The following CMTM8 variants were observed in gnomAD, a reference collection of about 807,000 sequenced individuals.
CMTM8 encodes the protein CKLF like MARVEL transmembrane domain containing 8, also known as CKLF-like MARVEL transmembrane domain-containing protein 8.
Under a neutral mutation model 18.6 loss-of-function variants are expected in CMTM8, and 12 were observed. The ratio of observed to expected loss-of-function variants is 0.65; its 90% CI spans 0.41 to 1.05. CMTM8 has a LOEUF of 1.05. CMTM8 is among the 50% of genes least tolerant of loss of function. CMTM8 has a pLI of 0.00. For synonymous variants in CMTM8, 87 were observed against 90.6 expected (o/e 0.96, Z 0.23); for missense variants, 217 against 227.2 (o/e 0.95, Z 0.29).
intron 1 of CMTM8, among the ~76,000 whole-genome samples, chr3:32,242,571 G>A (rs1334395816): frequency 1.3e-5 from 2 of 151,846 alleles, no homozygotes; most frequent in Non-Finnish European, 2.9e-5. Context: ...CAAGTGATCT[G>A]CCCACCTCGG....
chr3:32,326,639 C>T (rs998194980), intron 1 of CMTM8, among the ~76,000 whole-genome samples: 1 of 151,726 alleles, frequency 6.6e-6, no homozygotes, highest in East Asian at 1.9e-4. Context: ...GCCTCAGCCT[C>T]CCAAGTAGCT....
intron 1 of CMTM8, among the ~76,000 whole-genome samples, chr3:32,335,148 CTCTTCCGTCAGA>C (rs1696362165): frequency 6.6e-6 from 1 of 152,194 alleles, no homozygotes; most frequent in South Asian, 2.1e-4. Flanking sequence ...TCCTGCCAGG[CTCTTCCGTCAGA>C]GATGGAAGGA....
At chr3:32,347,903 C>T (rs2125593215) in intron 1 of CMTM8, among the ~76,000 whole-genome samples, 1 of 152,282 alleles carries the variant, frequency 6.6e-6, no homozygotes, top group South Asian at 2.1e-4. Flanking sequence ...TTTCGAGTCA[C>T]TCTGTTCCAG....
At chr3:32,253,613 A>G (rs1702141639) in intron 1 of CMTM8, among the ~76,000 whole-genome samples, 1 of 152,018 alleles carries the variant, frequency 6.6e-6, no homozygotes. Context: ...TCAGCCTCCC[A>G]AAGTGCTGGG....
At chr3:32,252,302 A>G (rs12108089) in intron 1 of CMTM8, among the ~76,000 whole-genome samples, 84,027 of 151,912 alleles carry the variant, frequency 0.55, 23,250 homozygotes, top group Middle Eastern at 0.67. Flanking sequence ...TAGTGTTATC[A>G]TGTATTTTAA....
In CMTM8 at chr3:32,238,847, A is replaced by G. The variant is rs900314716; in HGVS notation, c.-126A>G. On this transcript the variant is annotated 5_prime_UTR_variant, in exon 1 of 4. Transcript: ENST00000307526. ...AGCCCCCGGCGGGCGCCCCCCTCGC[A>G]CCTCCTGCCCCGCGCGGGCCGCGCT... The G allele has an allele frequency of 3.7e-6, 3 of 808,996 alleles. No individual in the cohort carries two copies. Among genetic ancestry groups the G allele is most frequent in the Non-Finnish European group, 5.0e-6 (3 of 603,342 alleles). The allele number at this position is 808,996 out of a possible 1,614,324, so 50.1% of individuals were successfully genotyped here.
intron 1 of CMTM8, among the ~76,000 whole-genome samples, chr3:32,313,869 A>G (rs62243328): frequency 0.07 from 10,612 of 152,228 alleles, 446 homozygotes; most frequent in Non-Finnish European, 0.099. Context: ...GTGGACACAT[A>G]GAAGGGTGAG....
At chr3:32,304,945 A>G (rs1377287066) in intron 1 of CMTM8, among the ~76,000 whole-genome samples, 4 of 152,214 alleles carry the variant, frequency 2.6e-5, no homozygotes, top group East Asian at 3.8e-4. Context: ...TGAATTTTGT[A>G]TTTAATCTTT....
intron 1 of CMTM8, among the ~76,000 whole-genome samples, chr3:32,298,363 C>A (rs1310649029): frequency 6.6e-6 from 1 of 151,932 alleles, no homozygotes. Context: ...TGAGCCATCA[C>A]GTCCAGCCCC....
At chr3:32,285,540 A>T (rs1480160210) in intron 1 of CMTM8, among the ~76,000 whole-genome samples, 1 of 151,866 alleles carries the variant, frequency 6.6e-6, no homozygotes, top group African/African-American at 2.4e-5. Context: ...AATTAATAAT[A>T]ATACTAGTAG....
intron 1 of CMTM8, among the ~76,000 whole-genome samples, chr3:32,353,783 A>ATT (rs1386181699): frequency 2.3e-5 from 3 of 128,292 alleles, no homozygotes; most frequent in African/African-American, 8.1e-5. Flanking sequence ...CTTCTGTGTT[A>ATT]ATTTTTTTTT....
chr3:32,360,732 G>A (rs4536869), intron 2 of CMTM8, among the ~76,000 whole-genome samples: 139,125 of 152,214 alleles, frequency 0.91, 64,127 homozygotes, highest in Non-Finnish European at 0.97. Context: ...AACTCTTGCT[G>A]CTCAAAGTGT....
At chr3:32,260,648 C>T (rs1250552553) in intron 1 of CMTM8, among the ~76,000 whole-genome samples, 2 of 148,018 alleles carry the variant, frequency 1.4e-5, no homozygotes, top group African/African-American at 5.1e-5. Context: ...ATAATCTATC[C>T]CAGCTGTGAT....
At chr3:32,326,551 C>G (rs1005622088) in intron 1 of CMTM8, among the ~76,000 whole-genome samples, 1 of 135,702 alleles carries the variant, frequency 7.4e-6, no homozygotes, top group African/African-American at 2.7e-5. Context: ...GAGTCTCGCT[C>G]TGTCGCCCAG....
rs547483096 is a variant in CMTM8 at position 32,285,311 on chromosome 3, T to A, written c.147+46192T>A. Among the ~76,000 whole-genome samples the A allele has an allele frequency of 3.9e-5, 6 of 152,196 alleles. 1 individual carries two copies. The South Asian group carries it at 1.0e-3, about 26-fold the overall frequency. ...GGATGGATCACTTGAGGCCAGGAGT[T>A]TGAGACCAGCCTGGGCAACATGGTG... On this transcript the variant is annotated intron_variant, in intron 1 of 3. Coordinates refer to ENST00000307526, the MANE Select transcript of CMTM8 (RefSeq NM_178868.5).
chr3:32,312,385 T>C (rs972907010), intron 1 of CMTM8, among the ~76,000 whole-genome samples: 6 of 152,142 alleles, frequency 3.9e-5, no homozygotes, highest in Admixed American at 3.9e-4. Context: ...GACCCCCACC[T>C]CAGGTACAAT....
At chr3:32,298,954 TA>T (rs199763731) in intron 1 of CMTM8, among the ~76,000 whole-genome samples, 43 of 133,698 alleles carry the variant, frequency 3.2e-4, no homozygotes, top group African/African-American at 4.9e-4. Context: ...TATATATATA[TA>T]TTTTTTTTTT....
intron 1 of CMTM8, among the ~76,000 whole-genome samples, chr3:32,262,080 C>T (rs781227928): frequency 1.3e-5 from 2 of 152,102 alleles, no homozygotes; most frequent in Admixed American, 6.6e-5. Flanking sequence ...AGAAGGAAGA[C>T]GAGGAAGCAG....
At chr3:32,325,195 CA>C (rs1255945044) in intron 1 of CMTM8, among the ~76,000 whole-genome samples, 1 of 152,212 alleles carries the variant, frequency 6.6e-6, no homozygotes, top group Non-Finnish European at 1.5e-5. Context: ...CATTTGGCAG[CA>C]GCACTTATTC....
Sources: allele counts gnomAD v4.1 joint callset (sites outside exome capture counted in the v4.1 genomes callset), GRCh38; gene constraint gnomAD v4.1.1; transcripts MANE v1.5; gene names NCBI Gene and HGNC (gene_info 2026-07-23, HGNC 2026-07-21).